PPM1L: variants seen among roughly 807,000 people sequenced by gnomAD.
PPM1L encodes the protein protein phosphatase, Mg2+/Mn2+ dependent 1L, also known as protein phosphatase 1L.
In PPM1L, 13 loss-of-function variants were observed where a neutral mutation model predicts 31.4. The observed-to-expected ratio is 0.41, with a 90% CI of 0.27 to 0.66. PPM1L has a LOEUF of 0.66. Among genes scored for constraint, PPM1L ranks in the 30% least tolerant of loss-of-function variants. The pLI, the probability that PPM1L is intolerant of heterozygous loss-of-function variation, is 0.29. For synonymous variants in PPM1L, 184 were observed against 175.4 expected (o/e 1.05, Z -0.39); for missense variants, 326 against 453.7 (o/e 0.72, Z 2.56).
intron 2 of PPM1L, among the ~76,000 whole-genome samples, chr3:161,001,660 C>T (rs549768010): frequency 1.3e-5 from 2 of 152,188 alleles, no homozygotes; most frequent in East Asian, 3.9e-4. Flanking sequence ...AAATAACACC[C>T]CCAGCTCTTT....
At chr3:160,937,183 A>T (rs1184740377) in intron 1 of PPM1L, among the ~76,000 whole-genome samples, 2 of 152,238 alleles carry the variant, frequency 1.3e-5, no homozygotes, top group Non-Finnish European at 2.9e-5. Context: ...ACACAATTAA[A>T]AGAAAAGTAA....
chr3:160,875,004 A>C (rs866721578), intron 1 of PPM1L, among the ~76,000 whole-genome samples: 2 of 152,218 alleles, frequency 1.3e-5, no homozygotes, highest in Non-Finnish European at 2.9e-5. Context: ...GAGCAGAAAT[A>C]AACTCTGAGC....
At chr3:161,032,745 T>A (rs886767204) in intron 2 of PPM1L, among the ~76,000 whole-genome samples, 40 of 150,064 alleles carry the variant, frequency 2.7e-4, no homozygotes, top group Middle Eastern at 3.5e-3. Context: ...CAAGCTGGAG[T>A]GCAATGGCAT....
At chr3:160,938,894 C>G (rs1715067295) in intron 1 of PPM1L, among the ~76,000 whole-genome samples, 1 of 152,158 alleles carries the variant, frequency 6.6e-6, no homozygotes, top group African/African-American at 2.4e-5. Flanking sequence ...ATGAACTGTG[C>G]AAAAACAGCA....
In PPM1L at chr3:160,920,650, CACACACACACACACACAT is replaced by C. The variant is rs1164766888; in HGVS notation, c.400-41084_400-41067del. Among the ~76,000 whole-genome samples, 45 of 151,232 alleles carry C rather than the reference CACACACACACACACACAT, an allele frequency of 3.0e-4. 1 individual carries two copies. Among genetic ancestry groups the C allele is most frequent in the Middle Eastern group, 6.9e-3 (2 of 290 alleles). ...ACACACACACACACTCACACACACA[CACACACACACACACACAT>C]ATTAAAGATCTGAGAGTATTTGTTT... On this transcript the variant is annotated intron_variant, in intron 1 of 3. Coordinates refer to ENST00000498165, the MANE Select transcript of PPM1L (RefSeq NM_139245.4).
chr3:160,946,211 C>T (rs1439818463), intron 1 of PPM1L, among the ~76,000 whole-genome samples: 2 of 152,150 alleles, frequency 1.3e-5, no homozygotes, highest in Admixed American at 1.3e-4. Context: ...GTTCCTAAAA[C>T]TTGCCTACAT....
intron 1 of PPM1L, among the ~76,000 whole-genome samples, chr3:160,799,179 T>A (rs531902072): frequency 2.0e-5 from 3 of 152,342 alleles, no homozygotes; most frequent in Admixed American, 2.0e-4. Context: ...GGATTTAGAA[T>A]GTTACATAAA....
At chr3:160,849,228 G>A (rs1168501303) in intron 1 of PPM1L, among the ~76,000 whole-genome samples, 1 of 151,964 alleles carries the variant, frequency 6.6e-6, no homozygotes, top group Non-Finnish European at 1.5e-5. Context: ...TTCCCCTGCT[G>A]GCCTGTCCTG....
intron 1 of PPM1L, among the ~76,000 whole-genome samples, chr3:160,838,981 T>C (rs2108103199): frequency 6.6e-6 from 1 of 152,264 alleles, no homozygotes; most frequent in East Asian, 1.9e-4. Context: ...GTCATCAGGG[T>C]AGGCCTCCCA....
intron 1 of PPM1L, among the ~76,000 whole-genome samples, chr3:160,809,865 C>T (rs1294313838): frequency 6.6e-6 from 1 of 152,126 alleles, no homozygotes; most frequent in Non-Finnish European, 1.5e-5. Flanking sequence ...CCCTGACAGA[C>T]CTAGCTGTAA....
intron 2 of PPM1L, among the ~76,000 whole-genome samples, chr3:160,979,781 CCATTTCCCTTATCTTCAGTG>C (rs1716735058): frequency 6.6e-6 from 1 of 152,066 alleles, no homozygotes; most frequent in African/African-American, 2.4e-5. Flanking sequence ...CCTTCCTAAT[CCATTTCCCTTATCTTCAGTG>C]CTAGAAATGG....
chr3:161,047,299 G>C (rs1415237832), intron 2 of PPM1L, among the ~76,000 whole-genome samples: 1 of 151,914 alleles, frequency 6.6e-6, no homozygotes, highest in Non-Finnish European at 1.5e-5. Flanking sequence ...ACCAATAACA[G>C]ACAAACAGCC....
chr3:161,067,886 A>G (rs1347705765), intron 3 of PPM1L, among the ~76,000 whole-genome samples: 2 of 152,186 alleles, frequency 1.3e-5, no homozygotes, highest in African/African-American at 4.8e-5. Flanking sequence ...CCATCTGCCT[A>G]CAGCATTTAG....
intron 1 of PPM1L, among the ~76,000 whole-genome samples, chr3:160,901,615 C>G (rs769326921): frequency 8.5e-5 from 13 of 152,136 alleles, no homozygotes; most frequent in African/African-American, 2.4e-4. Flanking sequence ...CTTCCTCCCC[C>G]ACTTACTTCA....
chr3:160,895,189 C>A (rs1713291299), intron 1 of PPM1L, among the ~76,000 whole-genome samples: 1 of 152,156 alleles, frequency 6.6e-6, no homozygotes, highest in Admixed American at 6.6e-5. Flanking sequence ...TCCTGCAGTG[C>A]CACATTTCAC....
chr3:160,808,018 ACTT>A (rs1233136282), intron 1 of PPM1L, among the ~76,000 whole-genome samples: 1 of 151,930 alleles, frequency 6.6e-6, no homozygotes, highest in African/African-American at 2.4e-5. Context: ...TGATCAGAAA[ACTT>A]CTTTGGATTT....
At chr3:160,814,705 A>ATATATATG (rs57230912) in intron 1 of PPM1L, among the ~76,000 whole-genome samples, 78,928 of 146,560 alleles carry the variant, frequency 0.54, 24,768 homozygotes, top group African/African-American at 0.87. Context: ...GTATATGTGT[A>ATATATATG]TATATATGTG....
At chr3:161,023,894 A>G (rs1037668847) in intron 2 of PPM1L, among the ~76,000 whole-genome samples, 1 of 152,138 alleles carries the variant, frequency 6.6e-6, no homozygotes, top group Non-Finnish European at 1.5e-5. Context: ...TCTTTTCTGC[A>G]CATGCACACA....
intron 1 of PPM1L, among the ~76,000 whole-genome samples, chr3:160,768,607 A>G (rs184813177): frequency 6.6e-5 from 10 of 152,308 alleles, no homozygotes; most frequent in African/African-American, 2.4e-4. Flanking sequence ...TCCTGTTTGT[A>G]AAGAGCTAGT....
Sources: allele counts gnomAD v4.1 joint callset (sites outside exome capture counted in the v4.1 genomes callset), GRCh38; gene constraint gnomAD v4.1.1; transcripts MANE v1.5; gene names NCBI Gene and HGNC (gene_info 2026-07-23, HGNC 2026-07-21).